Variants in SCAP observed in about 807,000 individuals in gnomAD.
SCAP encodes the protein sterol regulatory element-binding protein cleavage-activating protein.
A neutral mutation model predicts 123.6 loss-of-function variants in SCAP; 65 were observed. The observed-to-expected ratio is 0.53, with a 90% CI of 0.43 to 0.65. The LOEUF is 0.65. Ranked by LOEUF, SCAP falls within the 30% of genes least tolerant of loss-of-function variation. The probability of loss-of-function intolerance (pLI) is 0.00; values close to 1 mark genes in which losing one functional copy is unlikely to be tolerated. For missense variants in SCAP, 1,398 were observed against 1,712.5 expected, an observed-to-expected ratio of 0.82 and a Z score of 3.24; for synonymous variants, 740 against 726.3, an observed-to-expected ratio of 1.02 and a Z score of -0.30.
intron 1 of SCAP, among the ~76,000 whole-genome samples, chr3:47,445,209 A>G (rs984545181): frequency 1.4e-5 from 2 of 142,970 alleles, no homozygotes; most frequent in African/African-American, 5.2e-5. Context: ...ACATTCTAAC[A>G]TTCCTGTATT....
At chr3:47,425,324 C>A in intron 8 of SCAP, 161 bp downstream of exon 8, 1 of 754,964 alleles carries the variant, frequency 1.3e-6, no homozygotes, top group Non-Finnish European at 2.1e-6. Context: ...GAATACAAGC[C>A]AGACAAAGAA....
Position 47,414,212 on chromosome 3 carries a change from T to C in SCAP, c.3562A>G (p.Ser1188Gly), listed in dbSNP as rs1312547190. ...ATGGAGTAGAACTTGATGCCTGTGC[T>C]GCGGTCCCAGATGCTGATGAGGTCA... ...LDDLISIWDR[S>G]TGIKFYSIQQ... The change falls in exon 22 of 23, where the codon AGC (serine) becomes GGC (glycine). Residue 1188 changes from serine to glycine, a missense_variant. Coordinates refer to ENST00000265565, the MANE Select transcript of SCAP (RefSeq NM_012235.4). The C allele has an allele frequency of 6.2e-7, 1 of 1,613,638 alleles. No individual in the cohort carries two copies. Among genetic ancestry groups the C allele is most frequent in the African/African-American group, 1.3e-5 (1 of 74,930 alleles).
chr3:47,475,926 T>C lies in SCAP; in HGVS notation c.-226A>G, dbSNP rs111762817. 0.13 allele frequency: 19,998 copies of C among 153,188 alleles called. 1,693 individuals are homozygous for C. The highest frequency in any genetic ancestry group is 0.2 in the Non-Finnish European group (13,403 of 68,370). 9.5% of individuals were successfully genotyped at this position (153,188 alleles called of 1,614,324 possible). A position where few individuals can be genotyped will look rare whatever the true frequency, so the allele number is the denominator to read the frequency against. On this transcript the variant is annotated 5_prime_UTR_variant, in exon 1 of 23. Transcript: ENST00000265565. ...TGCGTGGCGCCCTCCCTCTCTCTCCTGGCCGCCGGGTGCCCGCCCCTTCAC... is the reference window on the plus strand; with the variant it reads ...TGCGTGGCGCCCTCCCTCTCTCTCCCGGCCGCCGGGTGCCCGCCCCTTCAC...
intron 2 of SCAP, among the ~76,000 whole-genome samples, chr3:47,438,676 C>A (rs902755325): frequency 6.6e-6 from 1 of 151,706 alleles, no homozygotes; most frequent in African/African-American, 2.4e-5. Context: ...TGGCCGGACG[C>A]GGTGGCACAC....
At chr3:47,474,718 G>A (rs1413744884) in intron 1 of SCAP, among the ~76,000 whole-genome samples, 1 of 151,870 alleles carries the variant, frequency 6.6e-6, no homozygotes, top group African/African-American at 2.4e-5. Flanking sequence ...GATCACCTGA[G>A]CCCAGGAAAT....
rs776328252 is a variant in SCAP, at chr3:47,414,674, G to C, written c.3307-22C>G. 22 of 1,612,932 alleles carry C rather than the reference G, an allele frequency of 1.4e-5. No individual in the cohort carries two copies. In the Middle Eastern group the frequency reaches 1.2e-3, roughly 84 times the overall value. The stretch of plus-strand genomic sequence containing the variant: ...ACACCTGGGACAGGGATGGGCCTCA[G>C]GTTCTGGTCTCTGGGATTTTCCAAG... On this transcript the variant is annotated intron_variant, in intron 20 of 22. Transcript: ENST00000265565.
At chr3:47,442,360 T>G (rs995906198) in intron 2 of SCAP, among the ~76,000 whole-genome samples, 6 of 152,138 alleles carry the variant, frequency 3.9e-5, no homozygotes. Context: ...CCTTGGCAAG[T>G]GCAGCTGGCC....
In SCAP at chr3:47,450,256, C is replaced by T. The variant is rs1208690426; in HGVS notation, c.-98-7165G>A. On this transcript the variant is annotated intron_variant, in intron 1 of 22. Transcript: ENST00000265565. ...CAATGAATCTGCCTGCCTCAGCCTC[C>T]CAAAGTGCTGGGATTACAGGTGTGA... Among the ~76,000 whole-genome samples the T allele has an allele frequency of 4.0e-5, 5 of 124,972 alleles. 2 individuals carry two copies. In the Admixed American group the frequency reaches 4.4e-4, roughly 11 times the overall value. The allele number at this position is 124,972 out of a possible 152,430, so 82.0% of individuals were successfully genotyped here.
rs1705815705 is a variant in SCAP at position 47,419,950 on chromosome 3, A to G, written c.1564-246T>C. ...GCTGAGTTTCTTGGCCTGGAAATAC[A>G]CTGAAGCACCCTGAGGTTTGACACA... On this transcript the variant is annotated intron_variant, in intron 12 of 22. Coordinates refer to ENST00000265565, the MANE Select transcript of SCAP (RefSeq NM_012235.4). The surrounding 1 kb of genome is among the most constrained non-coding windows in gnomAD (Gnocchi z 5.0). Among the ~76,000 whole-genome samples, 1 of 152,124 alleles carries G rather than the reference A, an allele frequency of 6.6e-6. No individual in the cohort carries two copies. The highest frequency in any genetic ancestry group is 2.4e-5 in the African/African-American group (1 of 41,438).
intron 10 of SCAP, 115 bp downstream of exon 10, chr3:47,422,327 C>T (rs772958610): frequency 1.4e-4 from 122 of 884,790 alleles, no homozygotes; most frequent in Admixed American, 2.0e-4. Flanking sequence ...GAGGTCCCAC[C>T]TCAGAAGCAA....
intron 1 of SCAP, among the ~76,000 whole-genome samples, chr3:47,474,122 G>A (rs934946740): frequency 6.6e-5 from 10 of 152,166 alleles, no homozygotes; most frequent in East Asian, 1.9e-4. Flanking sequence ...AAAAGTAGCC[G>A]GGCATGGTGG....
At chr3:47,458,103 C>T (rs975929931) in intron 1 of SCAP, among the ~76,000 whole-genome samples, 1 of 152,096 alleles carries the variant, frequency 6.6e-6, no homozygotes, top group African/African-American at 2.4e-5. Context: ...GCCTGGGCAA[C>T]ATGGTGAAAC....
Position 47,428,660 on chromosome 3 carries a change from G to C in SCAP, c.263C>G (p.Ala88Gly), listed in dbSNP as rs1447907852. 1 of 1,614,032 alleles carries C rather than the reference G, an allele frequency of 6.2e-7. No homozygotes were observed. The highest frequency in any genetic ancestry group is 8.5e-7 in the Non-Finnish European group (1 of 1,179,982). Residue 88 changes from alanine (A) to glycine (G), a missense_variant, in exon 4 of 23, where the codon GCC (alanine) becomes GGC (glycine). Ala to Gly is a moderately conservative substitution (Grantham distance 60). Transcript: ENST00000265565. ...PTEQPEWYVG[A>G]PVAYVQQIFV... The stretch of plus-strand genomic sequence containing the variant: ...TATCTGCTGGACATAAGCCACCGGG[G>C]CACCCACATACTGCAGAAGAAATGA...
chr3:47,414,386 T>C lies in SCAP; in HGVS notation c.3388A>G (p.Thr1130Ala), dbSNP rs1159390934. The part of the protein sequence containing the change: ...GAITTVYIDQ[T>A]MVLASGGQDG... ...TGTCCTCCACTGGCCAGCACCATGG[T>C]CTGGGGAAACAGGCCAGGGGAGTGG... Residue 1130 changes from threonine (T) to alanine (A), a missense_variant and splice_region_variant, in exon 22 of 23, where the codon ACC becomes GCC. By Grantham distance (58) the Thr-to-Ala change is moderately conservative. Around this residue, in one of 7 missense-constraint regions of SCAP, gnomAD observed 44 missense variants for 64.4 expected, o/e 0.68. Coordinates refer to ENST00000265565, the MANE Select transcript of SCAP (RefSeq NM_012235.4). The C allele has an allele frequency of 1.2e-6, 2 of 1,612,560 alleles. No homozygotes were observed. Among genetic ancestry groups the C allele is most frequent in the South Asian group, 2.2e-5 (2 of 91,078 alleles).
chr3:47,467,887 C>T (rs538753006), intron 1 of SCAP, among the ~76,000 whole-genome samples: 8 of 150,628 alleles, frequency 5.3e-5, no homozygotes, highest in African/African-American at 2.0e-4. Flanking sequence ...CCCCCCATCC[C>T]CCGGCAGGCC....
intron 3 of SCAP, among the ~76,000 whole-genome samples, chr3:47,430,268 C>A (rs961426481): frequency 5.9e-5 from 9 of 152,180 alleles, no homozygotes; most frequent in African/African-American, 9.7e-5. Context: ...CCAAGGTCTC[C>A]TCACTAAATA....
chr3:47,418,378 G>A lies in SCAP; in HGVS notation c.2274C>T (p.Tyr758=), dbSNP rs761628759. 1.3e-5 allele frequency: 20 copies of A among 1,573,336 alleles called. No individual in the cohort carries two copies. Among genetic ancestry groups the A allele is most frequent in the Admixed American group, 1.8e-5 (1 of 54,852 alleles). ...RRRGELPCDD[Y]GYAPPETEIV... ...TCTCCGTCTCGGGTGGCGCATAGCCGTAGTCGTCGCAGGGCAGCTCCCCGC... is the reference window on the plus strand; with the variant it reads ...TCTCCGTCTCGGGTGGCGCATAGCCATAGTCGTCGCAGGGCAGCTCCCCGC... The change falls in exon 15 of 23, where the codon TAC becomes TAT. Residue 758 remains tyrosine, a synonymous_variant. Transcript: ENST00000265565.
intron 1 of SCAP, among the ~76,000 whole-genome samples, chr3:47,457,236 T>G (rs1435171860): frequency 6.6e-6 from 1 of 152,150 alleles, no homozygotes; most frequent in Non-Finnish European, 1.5e-5. Context: ...GAAGGGAAAC[T>G]TTCCCATGTA....
Position 47,419,753 on chromosome 3 carries a change from C to T in SCAP, c.1564-49G>A, listed in dbSNP as rs1489818824. 6.6e-7 allele frequency: 1 copy of T among 1,505,234 alleles called. No individual in the cohort carries two copies. The highest frequency in any genetic ancestry group is 1.4e-5 in the African/African-American group (1 of 71,560). The allele number at this position is 1,505,234 out of a possible 1,614,324, so 93.2% of individuals were successfully genotyped here. ...AGTGGGAGGAATGGGCCCCAACCCC[C>T]AGCAGCTTCAGCCCTCATGCTGAGA... On this transcript the variant is annotated intron_variant, in intron 12 of 22. Transcript: ENST00000265565. The surrounding 1 kb of genome is among the most constrained non-coding windows in gnomAD (Gnocchi z 5.0).
Sources: gnomAD v4.1 joint callset for allele counts (sites outside exome capture counted in the v4.1 genomes callset) on GRCh38, gnomAD v4.1.1 for gene constraint, gnomAD v4.1.1 regional missense constraint, Gnocchi (gnomAD v3.1) non-coding constraint, MANE v1.5 for transcripts, NCBI Gene and HGNC (gene_info 2026-07-23, HGNC 2026-07-21) for gene names.